MRC1: variants seen among roughly 807,000 people sequenced by gnomAD.
The protein encoded by MRC1 is mannose receptor C-type 1.
In MRC1, 62 loss-of-function variants were observed where a neutral mutation model predicts 102.9. The observed-to-expected ratio is 0.60, with a 90% CI of 0.49 to 0.74. The LOEUF (loss-of-function observed/expected upper bound fraction) is 0.74, where lower values mean the gene tolerates loss of function less well. MRC1 is among the 30% of genes least tolerant of loss of function. MRC1 has a pLI of 0.00. For synonymous variants in MRC1, 457 were observed against 298.4 expected (o/e 1.53, Z -5.48); for missense variants, 1,237 against 862.8 (o/e 1.43, Z -5.43).
At chr10:17,856,064 G>C (rs913697775) in intron 8 of MRC1, among the ~76,000 whole-genome samples, 178 bp from the exon 9 acceptor site, 2 of 151,762 alleles carry the variant, frequency 1.3e-5, no homozygotes, top group South Asian at 4.2e-4. Context: ...TAGCTACTAG[G>C]GGGGCTGAGG....
At chr10:17,868,267 A>T (rs920026754) in intron 12 of MRC1, among the ~76,000 whole-genome samples, 8,924 of 152,202 alleles carry the variant, frequency 0.059, 363 homozygotes, top group South Asian at 0.097. Context: ...AAGAGGTTGA[A>T]TTGTCTCCCA....
At chr10:17,891,524 C>A (rs1360185286) in intron 22 of MRC1, among the ~76,000 whole-genome samples, 1 of 152,088 alleles carries the variant, frequency 6.6e-6, no homozygotes, top group Non-Finnish European at 1.5e-5. Flanking sequence ...GCATAATAAG[C>A]GTAATGCGTT....
intron 15 of MRC1, among the ~76,000 whole-genome samples, chr10:17,872,468 G>A (rs1833368110): frequency 6.6e-6 from 1 of 152,106 alleles, no homozygotes; most frequent in East Asian, 1.9e-4. Flanking sequence ...TTCTGTTTTG[G>A]AATTTTCACC....
chr10:17,892,026 G>A (rs1833684840), intron 22 of MRC1, among the ~76,000 whole-genome samples: 1 of 152,162 alleles, frequency 6.6e-6, no homozygotes, highest in South Asian at 2.1e-4. Flanking sequence ...TAGAGAGGCT[G>A]GAGTTGAGTA....
intron 12 of MRC1, among the ~76,000 whole-genome samples, chr10:17,867,577 T>C (rs1833294535): frequency 6.6e-6 from 1 of 151,860 alleles, no homozygotes; most frequent in Admixed American, 6.6e-5. Flanking sequence ...CCACCATGCC[T>C]AGCTAATTTT....
Position 17,845,282 on chromosome 10 carries a change from C to A in MRC1, c.917-7C>A. ...TAGTCCACTTTAACTTTTCCTTTTC[C>A]TCGAAGGAAGTCCATCAGCTGAACC... On this transcript the variant is annotated splice_region_variant and splice_polypyrimidine_tract_variant and intron_variant, in intron 5 of 29. Transcript: ENST00000569591. The A allele has an allele frequency of 1.3e-6, 1 of 780,750 alleles. No individual in the cohort carries two copies. The highest frequency in any genetic ancestry group is 2.4e-5 in the East Asian group (1 of 41,240). The allele number at this position is 780,750 out of a possible 1,614,324, so 48.4% of individuals were successfully genotyped here.
Position 17,856,346 on chromosome 10 carries a change from C to T in MRC1, c.1512C>T (p.Cys504=). 2 of 850,492 alleles carry T rather than the reference C, an allele frequency of 2.4e-6. No individual in the cohort carries two copies. The highest frequency in any genetic ancestry group is 4.1e-6 in the Non-Finnish European group (2 of 490,448). The allele number at this position is 850,492 out of a possible 1,614,324, so 52.7% of individuals were successfully genotyped here. Residue 504 remains cysteine, a synonymous_variant, in exon 9 of 30, where the codon TGC becomes TGT. Transcript: ENST00000569591. ...AAATAGTGGAAGTCGAAAAAGGCTG[C>T]AGGAAAGTGAGTGCACCATGCCCAC... The part of the protein sequence containing the change: ...GPEIVEVEKG[C]RKGWKKHHFY...
chr10:17,853,964 G>GT (rs1589179323), intron 8 of MRC1, among the ~76,000 whole-genome samples: 1 of 151,976 alleles, frequency 6.6e-6, no homozygotes, highest in African/African-American at 2.4e-5. Flanking sequence ...TGTTGTTGTT[G>GT]TTGTTTGTTT....
intron 4 of MRC1, 39 bp downstream of exon 4, chr10:17,833,878 T>C (rs1357244930): frequency 2.6e-6 from 2 of 777,840 alleles, no homozygotes; most frequent in African/African-American, 3.4e-5. Context: ...TCATGACTGC[T>C]TTATTTTTAT....
chr10:17,883,529 G>T (rs1833547892), intron 21 of MRC1, among the ~76,000 whole-genome samples: 3 of 151,568 alleles, frequency 2.0e-5, no homozygotes, highest in African/African-American at 7.3e-5. Flanking sequence ...GACGGTAGCT[G>T]CCTCTTCTAC....
chr10:17,821,393 T>G (rs1838393962), intron 1 of MRC1, among the ~76,000 whole-genome samples: 1 of 152,350 alleles, frequency 6.6e-6, no homozygotes, highest in South Asian at 2.1e-4. Flanking sequence ...TAGTGAAATC[T>G]ACCACCTTTA....
intron 4 of MRC1, among the ~76,000 whole-genome samples, chr10:17,836,142 A>C (rs1315118945): frequency 6.6e-6 from 1 of 151,978 alleles, no homozygotes; most frequent in Non-Finnish European, 1.5e-5. Flanking sequence ...GCAAGAGCAC[A>C]CTCCCTACCT....
chr10:17,847,211 C>A (rs1838839439), intron 6 of MRC1, among the ~76,000 whole-genome samples: 1 of 152,152 alleles, frequency 6.6e-6, no homozygotes, highest in South Asian at 2.1e-4. Context: ...CTTGGAATTT[C>A]CATGTTGCCA....
At chr10:17,870,142 T>C in intron 12 of MRC1, 104 bp from the exon 13 acceptor site, 2 of 704,206 alleles carry the variant, frequency 2.8e-6, no homozygotes, top group Middle Eastern at 2.6e-4. Flanking sequence ...ATTACACTGT[T>C]TTGTTTTTCT....
chr10:17,881,771 G>A (rs1589190387), intron 21 of MRC1, among the ~76,000 whole-genome samples: 1 of 128,314 alleles, frequency 7.8e-6, no homozygotes, highest in African/African-American at 3.1e-5. Context: ...CAATCCTCTT[G>A]CCTCAGCTTC....
chr10:17,897,652 G>A (rs964919238), intron 23 of MRC1, among the ~76,000 whole-genome samples: 6 of 152,238 alleles, frequency 3.9e-5, no homozygotes, highest in Non-Finnish European at 7.4e-5. Context: ...GACTTTTAAC[G>A]TACATGGAAA....
chr10:17,875,021 G>A (rs1833410424), intron 16 of MRC1, 69 bp from the exon 17 acceptor site: 3 of 780,298 alleles, frequency 3.8e-6, no homozygotes, highest in South Asian at 2.7e-5. Flanking sequence ...TCACCTTTGT[G>A]TGCTGTACAC....
intron 7 of MRC1, among the ~76,000 whole-genome samples, chr10:17,850,848 G>A (rs948901185): frequency 1.3e-5 from 2 of 152,084 alleles, no homozygotes; most frequent in African/African-American, 4.8e-5. Context: ...AAAAGTCCCC[G>A]AAACACTCCT....
At chr10:17,885,131 G>A in intron 21 of MRC1, 138 bp from the exon 22 acceptor site, 1 of 713,624 alleles carries the variant, frequency 1.4e-6, no homozygotes, top group Non-Finnish European at 2.6e-6. Context: ...ATGTTTGTGT[G>A]TTCATGGTAG....
Sources: gnomAD v4.1 joint callset for allele counts (sites outside exome capture counted in the v4.1 genomes callset) on GRCh38, gnomAD v4.1.1 for gene constraint, MANE v1.5 for transcripts, NCBI Gene and HGNC (gene_info 2026-07-23, HGNC 2026-07-21) for gene names.